The following MAP3K4 variants were observed in gnomAD, a reference collection of about 807,000 sequenced individuals.
The protein encoded by MAP3K4 is mitogen-activated protein kinase kinase kinase 4, also known as MAP three kinase 1.
MAP3K4 carries 67 observed loss-of-function variants against 185.6 expected under a neutral mutation model. The ratio of observed to expected loss-of-function variants is 0.36; its 90% CI spans 0.30 to 0.44. The LOEUF (loss-of-function observed/expected upper bound fraction) is 0.44, where lower values mean the gene tolerates loss of function less well. Among genes scored for constraint, MAP3K4 ranks in the 20% least tolerant of loss-of-function variants. The pLI, the probability that MAP3K4 is intolerant of heterozygous loss-of-function variation, is 1.00. For synonymous variants in MAP3K4, 702 were observed against 710.4 expected (o/e 0.99, Z 0.19); for missense variants, 1,551 against 1,995.1 (o/e 0.78, Z 4.24).
chr6:161,040,003 T>C (rs537584219), intron 2 of MAP3K4, among the ~76,000 whole-genome samples: 10 of 152,318 alleles, frequency 6.6e-5, no homozygotes, highest in African/African-American at 2.2e-4. Context: ...ATTAGATACC[T>C]AGTGGTGGAA....
rs549724333 is a variant in MAP3K4 at position 161,117,212 on chromosome 6, T to C, written c.*342T>C. 106 of 270,830 alleles carry C rather than the reference T, an allele frequency of 3.9e-4. 1 individual carries two copies. The highest frequency in any genetic ancestry group is 6.7e-4 in the Non-Finnish European group (97 of 144,676). The allele number at this position is 270,830 out of a possible 1,614,324, so 16.8% of individuals were successfully genotyped here. On this transcript the variant is annotated 3_prime_UTR_variant, in exon 27 of 27. Transcript: ENST00000392142. ...AGGTTCAAAAGAAGTTGTAGTGTTA[T>C]CAGGCGTCCCATACCTTGTTTTTAA...
chr6:161,034,557 C>T lies in MAP3K4; in HGVS notation c.343+108C>T. On this transcript the variant is annotated intron_variant, in intron 2 of 26. Transcript: ENST00000392142. This position sits in a 1 kb window ranked among gnomAD's most constrained non-coding sequence, Gnocchi z 4.4. ...TTTTATTTTTAATTTGATTTTAATG[C>T]TCCTGTAAAGTTCAATTTTTTTTTG... is the stretch of plus-strand genomic sequence containing the variant. The T allele has an allele frequency of 1.1e-6, 1 of 920,548 alleles. No homozygotes were observed. Among genetic ancestry groups the T allele is most frequent in the Non-Finnish European group, 1.5e-6 (1 of 658,432 alleles). The allele number at this position is 920,548 out of a possible 1,614,324, so 57.0% of individuals were successfully genotyped here. A position where few individuals can be genotyped will look rare whatever the true frequency, so the allele number is the denominator to read the frequency against.
At chr6:161,025,090 A>G (rs1408081309) in intron 1 of MAP3K4, among the ~76,000 whole-genome samples, 6 of 151,642 alleles carry the variant, frequency 4.0e-5, no homozygotes, top group Non-Finnish European at 7.4e-5. Context: ...GTGTTACCTC[A>G]TTTGTTTTGT....
Position 161,086,738 on chromosome 6 carries a change from TC to T in MAP3K4, c.2556+72del, listed in dbSNP as rs1785734759. 1 of 1,233,318 alleles carries T rather than the reference TC, an allele frequency of 8.1e-7. No homozygotes were observed. Among genetic ancestry groups the T allele is most frequent in the South Asian group, 1.3e-5 (1 of 74,852 alleles). The allele number at this position is 1,233,318 out of a possible 1,614,324, so 76.4% of individuals were successfully genotyped here. Reference sequence around the variant, plus strand: ...TTTATTCTAAAACAGGCAGACTTTTTCTTGAAGGTCCAGATAGTAAATATTA... The same window carrying T: ...TTTATTCTAAAACAGGCAGACTTTTTTTGAAGGTCCAGATAGTAAATATTA... On this transcript the variant is annotated intron_variant, in intron 9 of 26. Coordinates refer to ENST00000392142, the MANE Select transcript of MAP3K4 (RefSeq NM_005922.4). The surrounding 1 kb of genome is among the most constrained non-coding windows in gnomAD (Gnocchi z 4.8).
intron 6 of MAP3K4, among the ~76,000 whole-genome samples, chr6:161,081,786 G>T (rs1785472098): frequency 1.3e-5 from 2 of 152,200 alleles, no homozygotes; most frequent in South Asian, 4.1e-4. Flanking sequence ...GTGTCCTTCT[G>T]TGCTTTAGAT....
chr6:161,031,026 A>G (rs1187423853), intron 1 of MAP3K4, among the ~76,000 whole-genome samples: 2 of 152,224 alleles, frequency 1.3e-5, no homozygotes, highest in Non-Finnish European at 2.9e-5. Flanking sequence ...AGGATAAAAT[A>G]TACTGTGTTT....
rs548653575 is a variant in MAP3K4, at chr6:161,071,900, T to A, written c.1950+1050T>A. ...AAATACTTCTCAGCTTCCTTCTTTA[T>A]GAAAGAAATACTTCAGAAATATAGC... On this transcript the variant is annotated intron_variant, in intron 4 of 26. Transcript: ENST00000392142. The surrounding 1 kb of genome is among the most constrained non-coding windows in gnomAD (Gnocchi z 4.6). Among the ~76,000 whole-genome samples the A allele has an allele frequency of 3.3e-5, 5 of 152,330 alleles. No individual in the cohort carries two copies. The highest frequency in any genetic ancestry group is 6.5e-5 in the Admixed American group (1 of 15,298).
rs780830016 is a variant in MAP3K4 at position 161,086,656 on chromosome 6, C to G, written c.2545C>G (p.Gln849Glu). ...RDLLDVLKSK[Q>E]YVKVQIPGLE... ...CCTCCTGGATGTTCTGAAATCAAAA[C>G]AGTATGTCAAGGTAAGTACTTCAAA... The change falls in exon 9 of 27, where the codon CAG becomes GAG. Residue 849 changes from glutamine to glutamate, a missense_variant. Coordinates refer to ENST00000392142, the MANE Select transcript of MAP3K4 (RefSeq NM_005922.4). The surrounding 1 kb of genome is among the most constrained non-coding windows in gnomAD (Gnocchi z 4.8). The G allele has an allele frequency of 1.2e-6, 2 of 1,612,306 alleles. No individual in the cohort carries two copies. Among genetic ancestry groups the G allele is most frequent in the African/African-American group, 1.3e-5 (1 of 74,832 alleles).
Position 161,108,936 on chromosome 6 carries a change from G to T in MAP3K4, c.4236+77G>T. 1.2e-6 allele frequency: 2 copies of T among 1,604,494 alleles called. No individual in the cohort carries two copies. The highest frequency in any genetic ancestry group is 1.7e-6 in the Non-Finnish European group (2 of 1,171,544). ...AATGGAGTCCTGTTCTACATCACAG[G>T]TCTTCTCATTTCAGAGCACAGTAAC... On this transcript the variant is annotated intron_variant, in intron 22 of 26. Transcript: ENST00000392142. The surrounding 1 kb of genome is among the most constrained non-coding windows in gnomAD (Gnocchi z 5.7).
chr6:161,015,539 G>A (rs1001624560), intron 1 of MAP3K4, among the ~76,000 whole-genome samples: 1 of 152,108 alleles, frequency 6.6e-6, no homozygotes, highest in Non-Finnish European at 1.5e-5. Flanking sequence ...AAAGAAAAGA[G>A]GTTTACTTAG....
rs1784496284 is a variant in MAP3K4, at chr6:161,061,789, C to T, written c.1708-8819C>T. Among the ~76,000 whole-genome samples the T allele has an allele frequency of 6.6e-6, 1 of 152,182 alleles. No individual in the cohort carries two copies. Among genetic ancestry groups the T allele is most frequent in the South Asian group, 2.1e-4 (1 of 4,824 alleles). On this transcript the variant is annotated intron_variant, in intron 3 of 26. Transcript: ENST00000392142. The surrounding 1 kb of genome is among the most constrained non-coding windows in gnomAD (Gnocchi z 4.2). ...ATCCTTGCTGTGGTATGTATTGGCG[C>T]TTCATTCCTTTTTATGACTGAATAA...
intron 17 of MAP3K4, among the ~76,000 whole-genome samples, chr6:161,099,179 A>G (rs1432807082): frequency 1.3e-5 from 2 of 152,230 alleles, no homozygotes; most frequent in African/African-American, 4.8e-5. Flanking sequence ...ATGCAAGTCA[A>G]ACCAAACTAT....
intron 2 of MAP3K4, among the ~76,000 whole-genome samples, chr6:161,047,785 A>G (rs1822520): frequency 0.69 from 104,246 of 152,132 alleles, 37,296 homozygotes; most frequent in East Asian, 0.97. Flanking sequence ...AGAGCAATTA[A>G]TAGTGTTAAA....
chr6:160,999,226 C>G (rs1013100242), intron 1 of MAP3K4, among the ~76,000 whole-genome samples: 5 of 152,288 alleles, frequency 3.3e-5, no homozygotes, highest in East Asian at 1.9e-4. Flanking sequence ...GTAGAACTTT[C>G]TGAATAGGGC....
At chr6:161,069,741 G>A (rs1405068213) in intron 3 of MAP3K4, among the ~76,000 whole-genome samples, 5 of 152,150 alleles carry the variant, frequency 3.3e-5, no homozygotes, top group African/African-American at 7.2e-5. Context: ...CCAAGTTATG[G>A]TGGAGTGTGA....
intron 1 of MAP3K4, among the ~76,000 whole-genome samples, chr6:161,021,449 C>G (rs1782383834): frequency 6.6e-6 from 1 of 152,252 alleles, no homozygotes; most frequent in Non-Finnish European, 1.5e-5. Flanking sequence ...GCTGTACCTT[C>G]TGTCTTAGCA....
chr6:161,070,761 C>T lies in MAP3K4; in HGVS notation c.1861C>T (p.Arg621Ter). 1 of 1,614,030 alleles carries T rather than the reference C, an allele frequency of 6.2e-7. No homozygotes were observed. Among genetic ancestry groups the T allele is most frequent in the Non-Finnish European group, 8.5e-7 (1 of 1,180,008 alleles). ...SFEPAFLVLC[R>*]VLLNVIHECL... Reference sequence around the variant, plus strand: ...CGAACCTGCCTTCCTAGTTCTCTGCCGAGTCCTTCTGAATGTCATACATGA... The same window carrying T: ...CGAACCTGCCTTCCTAGTTCTCTGCTGAGTCCTTCTGAATGTCATACATGA... Residue 621 changes from arginine to a stop codon, truncating the protein, a stop_gained, in exon 4 of 27, where the codon CGA (arginine) becomes TGA (stop). Coordinates refer to ENST00000392142, the MANE Select transcript of MAP3K4 (RefSeq NM_005922.4). LOFTEE classifies it high-confidence loss of function. The surrounding 1 kb of genome is among the most constrained non-coding windows in gnomAD (Gnocchi z 4.5).
At chr6:161,083,105 A>C (rs1785535441) in intron 6 of MAP3K4, among the ~76,000 whole-genome samples, 1 of 151,422 alleles carries the variant, frequency 6.6e-6, no homozygotes, top group Non-Finnish European at 1.5e-5. Flanking sequence ...GGCCCTTTTC[A>C]CCAGCTGGCC....
rs755036013 is a variant in MAP3K4 at position 161,111,984 on chromosome 6, G to C, written c.4519+26G>C. 3.1e-6 allele frequency: 5 copies of C among 1,612,080 alleles called. No individual in the cohort carries two copies. In the South Asian group the frequency reaches 5.5e-5, roughly 18 times the overall value. ...GTAGGGACCAGCCTGGTTGTTCTTT[G>C]CACTCTGACTTCATGCAGCCTGCTT... On this transcript the variant is annotated intron_variant, in intron 24 of 26. Coordinates refer to ENST00000392142, the MANE Select transcript of MAP3K4 (RefSeq NM_005922.4).
Sources: allele counts gnomAD v4.1 joint callset (sites outside exome capture counted in the v4.1 genomes callset), GRCh38; gene constraint gnomAD v4.1.1; non-coding constraint Gnocchi (gnomAD v3.1); transcripts MANE v1.5; gene names NCBI Gene and HGNC (gene_info 2026-07-23, HGNC 2026-07-21).